Variants in ACOT7 observed in about 807,000 individuals in gnomAD.
The protein encoded by ACOT7 is cytosolic acyl coenzyme A thioester hydrolase.
A neutral mutation model predicts 40.2 loss-of-function variants in ACOT7; 12 were observed. The ratio of observed to expected loss-of-function variants is 0.30; its 90% CI spans 0.19 to 0.48. ACOT7 has a LOEUF of 0.48. Ranked by LOEUF, ACOT7 falls within the 20% of genes least tolerant of loss-of-function variation. The pLI is 0.99. For missense variants in ACOT7, 395 were observed against 530.8 expected, an observed-to-expected ratio of 0.74 and a Z score of 2.51; for synonymous variants, 228 against 219.5, an observed-to-expected ratio of 1.04 and a Z score of -0.34.
At chr1:6,265,399 G>A (rs1301793337) in intron 8 of ACOT7, among the ~76,000 whole-genome samples, 1 of 152,344 alleles carries the variant, frequency 6.6e-6, no homozygotes, top group East Asian at 1.9e-4. Context: ...CGTACTGGGA[G>A]CAATAGGCCT....
intron 6 of ACOT7, among the ~76,000 whole-genome samples, chr1:6,312,130 T>C (rs1640348863): frequency 6.6e-6 from 1 of 152,018 alleles, no homozygotes; most frequent in South Asian, 2.1e-4. Flanking sequence ...TGCGTCTCCC[T>C]CGGTAGAGCT....
chr1:6,378,759 G>A (rs938560005), intron 1 of ACOT7, among the ~76,000 whole-genome samples: 6 of 151,954 alleles, frequency 3.9e-5, no homozygotes, highest in African/African-American at 1.4e-4. Context: ...GGGAGGAGGA[G>A]GGAAGGAGGA....
chr1:6,364,542 CA>C (rs553139824), intron 1 of ACOT7, among the ~76,000 whole-genome samples: 253 of 75,498 alleles, frequency 3.4e-3, no homozygotes, highest in Admixed American at 5.6e-3. Context: ...GACTCTGTCT[CA>C]AAAAAAAAAA....
intron 3 of ACOT7, among the ~76,000 whole-genome samples, chr1:6,337,327 C>A (rs1255515129): frequency 6.6e-6 from 1 of 152,210 alleles, no homozygotes; most frequent in African/African-American, 2.4e-5. Flanking sequence ...TGCACAGGAG[C>A]CTCTCCCCCT....
intron 6 of ACOT7, among the ~76,000 whole-genome samples, chr1:6,308,938 A>G (rs1367585895): frequency 6.6e-6 from 1 of 152,192 alleles, no homozygotes; most frequent in Non-Finnish European, 1.5e-5. Flanking sequence ...TGATAAACTT[A>G]TTTGTAGACT....
intron 7 of ACOT7, among the ~76,000 whole-genome samples, chr1:6,286,493 A>G (rs1190418361): frequency 1.3e-5 from 2 of 152,198 alleles, no homozygotes; most frequent in Admixed American, 1.3e-4. Flanking sequence ...GAGGCTACGA[A>G]GCCATGCGGG....
chr1:6,379,373 C>T lies in ACOT7; in HGVS notation c.143+13884G>A, dbSNP rs377574180. On this transcript the variant is annotated intron_variant, in intron 1 of 8. Transcript: ENST00000361521. ...CTATAAAGAGGTGTGTCCACACGTG[C>T]AAATGGAGCTGGACCCCTACCGCAC... Among the ~76,000 whole-genome samples the T allele has an allele frequency of 9.9e-5, 15 of 151,996 alleles. No individual in the cohort carries two copies. In the East Asian group the frequency reaches 2.3e-3, roughly 23 times the overall value.
intron 5 of ACOT7, among the ~76,000 whole-genome samples, chr1:6,321,153 G>A (rs192141160): frequency 9.2e-5 from 14 of 152,314 alleles, no homozygotes; most frequent in African/African-American, 2.6e-4. Flanking sequence ...CTCCTGGAAG[G>A]TTCTTCCCTG....
chr1:6,325,266 C>T (rs558546731), intron 5 of ACOT7, among the ~76,000 whole-genome samples: 29 of 151,998 alleles, frequency 1.9e-4, no homozygotes, highest in Non-Finnish European at 3.2e-4. Flanking sequence ...GGCATGGTGG[C>T]GGGCGCCTGT....
rs574355142 is a variant in ACOT7 at position 6,340,049 on chromosome 1, G to T, written c.262-460C>A. 2.8e-3 allele frequency among the ~76,000 whole-genome samples: 406 copies of T among 145,644 alleles called. 9 individuals are homozygous for T. Among genetic ancestry groups the T allele is most frequent in the Middle Eastern group, 7.0e-3 (2 of 286 alleles). ...GGTGCGATCTCCCCTCACTGCAAGC[G>T]CCGCCTCCCAGATTCACGCCATTCT... On this transcript the variant is annotated intron_variant, in intron 2 of 8. Transcript: ENST00000361521.
At position 6,299,012 on chromosome 1, in the gene ACOT7, C is replaced by T. The variant is rs3827719; in HGVS notation, c.713-4032G>A. Among the ~76,000 whole-genome samples the T allele has an allele frequency of 0.086, 13,101 of 152,308 alleles. 970 individuals carry two copies. Among genetic ancestry groups the T allele is most frequent in the African/African-American group, 0.19 (7,856 of 41,554 alleles). On this transcript the variant is annotated intron_variant, in intron 6 of 8. Coordinates refer to ENST00000361521, the MANE Select transcript of ACOT7 (RefSeq NM_007274.4). This position sits in a 1 kb window ranked among gnomAD's most constrained non-coding sequence, Gnocchi z 4.1. ...GAGGCCTGGTGCGAATCCCCCTGCC[C>T]CATCGCCCATGCCTGGAGGGGCTTG... is the stretch of plus-strand genomic sequence containing the variant.
intron 6 of ACOT7, among the ~76,000 whole-genome samples, chr1:6,310,491 G>C (rs1169585134): frequency 6.6e-6 from 1 of 152,256 alleles, no homozygotes; most frequent in African/African-American, 2.4e-5. Context: ...GGCCAGGTCA[G>C]TGGTGTCCAA....
chr1:6,346,764 C>T (rs2148452371), intron 2 of ACOT7, among the ~76,000 whole-genome samples: 1 of 152,198 alleles, frequency 6.6e-6, no homozygotes, highest in South Asian at 2.1e-4. Flanking sequence ...AAGAGCAGCA[C>T]CATTGGACCC....
At chr1:6,304,120 C>T (rs1640048668) in intron 6 of ACOT7, among the ~76,000 whole-genome samples, 1 of 152,122 alleles carries the variant, frequency 6.6e-6, no homozygotes, top group Non-Finnish European at 1.5e-5. Flanking sequence ...CTGGAGGCTA[C>T]CAAAGCAAGG....
At chr1:6,308,154 C>T (rs1423108693) in intron 6 of ACOT7, among the ~76,000 whole-genome samples, 1 of 141,570 alleles carries the variant, frequency 7.1e-6, no homozygotes, top group East Asian at 2.2e-4. Context: ...GGAACAGCGA[C>T]CAGAGGGAAC....
At chr1:6,331,240 C>T (rs968446107) in intron 4 of ACOT7, among the ~76,000 whole-genome samples, 3 of 152,188 alleles carry the variant, frequency 2.0e-5, no homozygotes, top group African/African-American at 4.8e-5. Context: ...CACCTGAAAC[C>T]TCAAAATGCA....
At chr1:6,354,336 A>C (rs1267338414) in intron 1 of ACOT7, among the ~76,000 whole-genome samples, 3 of 152,112 alleles carry the variant, frequency 2.0e-5, no homozygotes, top group African/African-American at 7.2e-5. Flanking sequence ...CCAGGAGCAG[A>C]GGTCCGAGAA....
chr1:6,300,295 C>T (rs1000840601), intron 6 of ACOT7, among the ~76,000 whole-genome samples: 3 of 152,058 alleles, frequency 2.0e-5, no homozygotes, highest in Admixed American at 6.6e-5. Flanking sequence ...TGCTGGGGGC[C>T]GTGAGCTGGA....
chr1:6,332,566 A>C (rs1640985493), intron 4 of ACOT7, among the ~76,000 whole-genome samples: 1 of 152,216 alleles, frequency 6.6e-6, no homozygotes, highest in Non-Finnish European at 1.5e-5. Context: ...CTGTAATCCC[A>C]GCACTTTGGG....
Sources: allele counts gnomAD v4.1 joint callset (sites outside exome capture counted in the v4.1 genomes callset), GRCh38; gene constraint gnomAD v4.1.1; non-coding constraint Gnocchi (gnomAD v3.1); transcripts MANE v1.5; gene names NCBI Gene and HGNC (gene_info 2026-07-23, HGNC 2026-07-21).